SBNO2: variants seen among roughly 807,000 people sequenced by gnomAD.
SBNO2 encodes the protein protein strawberry notch homolog 2.
A neutral mutation model predicts 146.3 loss-of-function variants in SBNO2; 89 were observed. The observed-to-expected ratio is 0.61, with a 90% confidence interval of 0.51 to 0.73. SBNO2 has a LOEUF of 0.73. Among genes scored for constraint, SBNO2 ranks in the 30% least tolerant of loss-of-function variants. The pLI is 0.00. For synonymous variants in SBNO2, 1,147 were observed against 892.6 expected (o/e 1.29, Z -5.08); for missense variants, 2,092 against 2,003.7 (o/e 1.04, Z -0.84).
Position 1,116,874 on chromosome 19 carries a change from A to G in SBNO2, c.1757T>C (p.Leu586Pro), listed in dbSNP as rs1264977017. The G allele has an allele frequency of 6.3e-7, 1 of 1,589,966 alleles. No homozygotes were observed. Residue 586 changes from leucine (L) to proline (P), a missense_variant, in exon 16 of 32, where the codon CTG becomes CCG. Coordinates refer to ENST00000361757, the MANE Select transcript of SBNO2 (RefSeq NM_014963.3). The part of the protein sequence containing the change: ...STGEARTREV[L>P]GENDGHLNCF... ...GTTGAGGTGCCCATCGTTCTCCCCC[A>G]GCACCTCCCGCGTGCGCGCCTCGCC...
intron 10 of SBNO2, 59 bp from the exon 11 acceptor site, chr19:1,122,341 G>T: frequency 6.6e-7 from 1 of 1,516,386 alleles, no homozygotes; most frequent in Non-Finnish European, 8.9e-7. Flanking sequence ...TCTGGACCTG[G>T]GTCTCCCTAT....
rs1326491307 is a variant in SBNO2 at position 1,112,978 on chromosome 19, C to A, written c.2248-29G>T. 2 of 1,540,330 alleles carry A rather than the reference C, an allele frequency of 1.3e-6. No homozygotes were observed. Among genetic ancestry groups the A allele is most frequent in the East Asian group, 4.9e-5 (2 of 41,006 alleles). Reference sequence around the variant, plus strand: ...CAGCCGAGACAGGGACAAAACCGGCCGTCAGTGTTGTGGCCTCGCAGGAGT... The same window carrying A: ...CAGCCGAGACAGGGACAAAACCGGCAGTCAGTGTTGTGGCCTCGCAGGAGT... On this transcript the variant is annotated intron_variant, in intron 19 of 31. Transcript: ENST00000361757. This position sits in a 1 kb window ranked among gnomAD's most constrained non-coding sequence, Gnocchi z 5.9.
intron 4 of SBNO2, among the ~76,000 whole-genome samples, chr19:1,137,083 C>T (rs2080091066): frequency 1.3e-5 from 2 of 149,074 alleles, no homozygotes; most frequent in South Asian, 4.4e-4. Flanking sequence ...AGCACCCCCA[C>T]CCCAGGAACA....
chr19:1,167,350 G>A (rs1724645727), intron 1 of SBNO2, among the ~76,000 whole-genome samples: 1 of 152,244 alleles, frequency 6.6e-6, no homozygotes, highest in Admixed American at 6.5e-5. Context: ...GTCCAGGTGG[G>A]CTGGCTGCTC....
chr19:1,112,621 G>A lies in SBNO2; in HGVS notation c.2380-84C>T, dbSNP rs1599824996. ...CCACCTCCTCACCCACTAGGCCCCC[G>A]CTCCAGGTCACCAGGACGTCCCGGG... On this transcript the variant is annotated intron_variant, in intron 20 of 31. Coordinates refer to ENST00000361757, the MANE Select transcript of SBNO2 (RefSeq NM_014963.3). The surrounding 1 kb of genome is among the most constrained non-coding windows in gnomAD (Gnocchi z 5.9). 1.4e-6 allele frequency: 2 copies of A among 1,474,782 alleles called. No individual in the cohort carries two copies. Among genetic ancestry groups the A allele is most frequent in the Non-Finnish European group, 1.8e-6 (2 of 1,114,092 alleles). The allele number at this position is 1,474,782 out of a possible 1,614,324, so 91.4% of individuals were successfully genotyped here.
Position 1,112,657 on chromosome 19 carries a change from GC to G in SBNO2, c.2380-121del. 6.9e-7 allele frequency: 1 copy of G among 1,444,106 alleles called. No homozygotes were observed. The highest frequency in any genetic ancestry group is 9.1e-7 in the Non-Finnish European group (1 of 1,094,694). The allele number at this position is 1,444,106 out of a possible 1,614,324, so 89.5% of individuals were successfully genotyped here. ...CCAGGACGTCCCGGGGCAGCGAGAGGCCTGCGGGGCGCGGACACCACCCGCC... is the reference window on the plus strand; with the variant it reads ...CCAGGACGTCCCGGGGCAGCGAGAGGCTGCGGGGCGCGGACACCACCCGCC... On this transcript the variant is annotated intron_variant, in intron 20 of 31. Coordinates refer to ENST00000361757, the MANE Select transcript of SBNO2 (RefSeq NM_014963.3). The surrounding 1 kb of genome is among the most constrained non-coding windows in gnomAD (Gnocchi z 5.9).
At position 1,108,415 on chromosome 19, in the gene SBNO2, G is replaced by C. The variant is rs1017546869; in HGVS notation, c.3906C>G (p.Ala1302=). The C allele has an allele frequency of 1.1e-4, 143 of 1,273,016 alleles. No homozygotes were observed. The highest frequency in any genetic ancestry group is 1.4e-4 in the Non-Finnish European group (139 of 1,004,498). 78.9% of individuals were successfully genotyped at this position (1,273,016 alleles called of 1,614,324 possible). The change falls in exon 32 of 32, where the codon GCC becomes GCG. Residue 1302 remains alanine (A), a synonymous_variant. Coordinates refer to ENST00000361757, the MANE Select transcript of SBNO2 (RefSeq NM_014963.3). ...GTPDAQADPA[A]LAHQGCDINF... ...TGATGTCGCAGCCCTGGTGCGCGAG[G>C]GCCGCAGGGTCGGCCTGGGCGTCGG...
intron 16 of SBNO2, 118 bp from the exon 17 acceptor site, chr19:1,116,221 G>T: frequency 1.2e-6 from 1 of 836,882 alleles, no homozygotes. Context: ...GACCGGGCCT[G>T]GGCAGAGGGT....
intron 14 of SBNO2, among the ~76,000 whole-genome samples, chr19:1,117,938 G>A (rs2145210312): frequency 6.6e-6 from 1 of 152,334 alleles, no homozygotes; most frequent in Admixed American, 6.5e-5. Context: ...TGGGACTCTG[G>A]CCACGGATGC....
At position 1,149,460 on chromosome 19, in the gene SBNO2, C is replaced by T; in HGVS notation, c.94-18G>A. The T allele has an allele frequency of 6.5e-7, 1 of 1,549,630 alleles. No individual in the cohort carries two copies. The highest frequency in any genetic ancestry group is 1.2e-5 in the South Asian group (1 of 84,044). On this transcript the variant is annotated intron_variant, in intron 2 of 31. Coordinates refer to ENST00000361757, the MANE Select transcript of SBNO2 (RefSeq NM_014963.3). ...ATGGCGCTCTAGAAGAGACAGCGGG[C>T]ATCAGTGAGTGGGAAGCAGAGGACC...
chr19:1,171,104 AACAC>A (rs1183114911), intron 1 of SBNO2, among the ~76,000 whole-genome samples: 2 of 151,862 alleles, frequency 1.3e-5, no homozygotes, highest in African/African-American at 2.4e-5. Context: ...AGGCACACAC[AACAC>A]ACAAACACGG....
At chr19:1,117,215 C>T (rs1568566338) in intron 15 of SBNO2, 108 bp downstream of exon 15, 8 of 1,161,936 alleles carry the variant, frequency 6.9e-6, no homozygotes, top group Non-Finnish European at 7.1e-6. Flanking sequence ...CACCAGGGTG[C>T]AGCCCCCGCC....
At chr19:1,165,265 C>G (rs4807623) in intron 1 of SBNO2, among the ~76,000 whole-genome samples, 2 of 152,006 alleles carry the variant, frequency 1.3e-5, no homozygotes, top group Non-Finnish European at 2.9e-5. Context: ...AGCACGGTGC[C>G]GAATGCAGGC....
intron 2 of SBNO2, among the ~76,000 whole-genome samples, chr19:1,153,440 T>C (rs928646519): frequency 8.0e-5 from 12 of 150,750 alleles, no homozygotes; most frequent in Admixed American, 2.0e-4. Context: ...GGTTTCACCA[T>C]GTTGGCCAGG....
intron 4 of SBNO2, among the ~76,000 whole-genome samples, chr19:1,146,473 C>T (rs1259455342): frequency 6.6e-6 from 1 of 152,168 alleles, no homozygotes; most frequent in Admixed American, 6.5e-5. Context: ...GCTCTGAGGC[C>T]CAGGCAGATC....
chr19:1,168,355 C>A (rs1400419500), intron 1 of SBNO2, among the ~76,000 whole-genome samples: 1 of 152,190 alleles, frequency 6.6e-6, no homozygotes, highest in South Asian at 2.1e-4. Context: ...CGGGCAACAC[C>A]GACAGCCATT....
chr19:1,122,598 TCGCCCCC>T, intron 9 of SBNO2, 40 bp from the exon 10 acceptor site: 1 of 300,190 alleles, frequency 3.3e-6, no homozygotes, highest in Non-Finnish European at 4.5e-6. Flanking sequence ...CCCTTCCCCC[TCGCCCCC>T]CGCTTCCGCC....
chr19:1,169,804 G>A (rs1412819273), intron 1 of SBNO2, among the ~76,000 whole-genome samples: 3 of 152,184 alleles, frequency 2.0e-5, no homozygotes, highest in Non-Finnish European at 4.4e-5. Context: ...CACACCAGGA[G>A]GGGCACCTGT....
At position 1,112,639 on chromosome 19, in the gene SBNO2, G is replaced by A. The variant is rs1025628669; in HGVS notation, c.2380-102C>T. 6 of 1,458,084 alleles carry A rather than the reference G, an allele frequency of 4.1e-6. No individual in the cohort carries two copies. The South Asian group carries it at 5.5e-5, about 13-fold the overall frequency. 90.3% of individuals were successfully genotyped at this position (1,458,084 alleles called of 1,614,324 possible). A position where few individuals can be genotyped will look rare whatever the true frequency, so the allele number is the denominator to read the frequency against. ...GGCCCCCGCTCCAGGTCACCAGGAC[G>A]TCCCGGGGCAGCGAGAGGCCTGCGG... On this transcript the variant is annotated intron_variant, in intron 20 of 31. Transcript: ENST00000361757. The surrounding 1 kb of genome is among the most constrained non-coding windows in gnomAD (Gnocchi z 5.9).
Sources: allele counts gnomAD v4.1 joint callset (sites outside exome capture counted in the v4.1 genomes callset), GRCh38; gene constraint gnomAD v4.1.1; non-coding constraint Gnocchi (gnomAD v3.1); transcripts MANE v1.5; gene names NCBI Gene and HGNC (gene_info 2026-07-23, HGNC 2026-07-21).